Variants in SLC5A11 observed in about 807,000 individuals in gnomAD.
The protein encoded by SLC5A11 is solute carrier family 5 member 11, also known as sodium/myo-inositol cotransporter 2.
SLC5A11 carries 48 observed loss-of-function variants against 69.8 expected under a neutral mutation model. The ratio of observed to expected loss-of-function variants is 0.69; its 90% confidence interval spans 0.55 to 0.87. SLC5A11 has a LOEUF of 0.87. Ranked by LOEUF, SLC5A11 falls within the 40% of genes least tolerant of loss-of-function variation. SLC5A11 has a pLI of 0.00. For synonymous variants in SLC5A11, 319 were observed against 342.4 expected (o/e 0.93, Z 0.75); for missense variants, 784 against 866.1 (o/e 0.91, Z 1.19).
At chr16:24,907,576 C>T (rs1304502844) in intron 12 of SLC5A11, among the ~76,000 whole-genome samples, 1 of 151,976 alleles carries the variant, frequency 6.6e-6, no homozygotes, top group East Asian at 1.9e-4. Context: ...GCTGTGGTGG[C>T]GTGTGCCTGT....
intron 10 of SLC5A11, among the ~76,000 whole-genome samples, chr16:24,905,269 C>CAAAAAAAAAAA (rs34703027): frequency 1.2e-5 from 1 of 80,428 alleles, no homozygotes; most frequent in Non-Finnish European, 2.2e-5. Flanking sequence ...ACTAAAAATA[C>CAAAAAAAAAAA]AAAAAAAAAA....
rs202060978 is a variant in SLC5A11, at chr16:24,889,249, GA to G, written c.665-1619del. On this transcript the variant is annotated intron_variant, in intron 8 of 15. Coordinates refer to ENST00000347898, the Ensembl canonical transcript of SLC5A11. ...TGTAATCCTAGAACTTTGGGAGGCT[GA>G]GGCAGGAGAATTGCTTGAGCCTAGG... Among the ~76,000 whole-genome samples, 927 of 152,272 alleles carry G rather than the reference GA, an allele frequency of 6.1e-3. 10 individuals carry two copies. The highest frequency in any genetic ancestry group is 0.021 in the African/African-American group (861 of 41,548).
At chr16:24,861,901 A>G (rs957778786) in intron 2 of SLC5A11, 1 of 152,188 alleles carries the variant, frequency 6.6e-6, no homozygotes, top group South Asian at 2.1e-4. Context: ...GCCCTCATGA[A>G]TGGGATTACA....
chr16:24,852,973 C>T (rs2059377798), intron 1 of SLC5A11, among the ~76,000 whole-genome samples: 1 of 150,898 alleles, frequency 6.6e-6, no homozygotes, highest in Admixed American at 6.6e-5. Flanking sequence ...ACAGCTGGTG[C>T]CTAATAAATG....
intron 9 of SLC5A11, among the ~76,000 whole-genome samples, chr16:24,896,942 CTTTTTTT>C (rs869210839): frequency 1.0e-5 from 1 of 97,100 alleles, no homozygotes; most frequent in Non-Finnish European, 1.9e-5. Context: ...AACCTCCTTC[CTTTTTTT>C]TTTTTTTTTT....
At chr16:24,850,956 GCC>G (rs2059276361) in intron 1 of SLC5A11, among the ~76,000 whole-genome samples, 1 of 151,298 alleles carries the variant, frequency 6.6e-6, no homozygotes, top group Non-Finnish European at 1.5e-5. Context: ...GATTACAGGA[GCC>G]CACCACCACG....
At chr16:24,891,190 TC>T in intron 9 of SLC5A11, 116 bp downstream of exon 10, 1 of 929,254 alleles carries the variant, frequency 1.1e-6, no homozygotes. Flanking sequence ...TTTCCCTGCT[TC>T]CTTGACTACT....
At chr16:24,899,243 A>T (rs929308302) in intron 10 of SLC5A11, among the ~76,000 whole-genome samples, 1 of 152,004 alleles carries the variant, frequency 6.6e-6, no homozygotes, top group Non-Finnish European at 1.5e-5. Context: ...TTGAGTGGAG[A>T]CTCAACTGGG....
chr16:24,870,442 A>AACCACACACAC lies in SLC5A11; in HGVS notation c.312+439_312+440insCACACACACAC, dbSNP rs1555523057. 5.7e-5 allele frequency among the ~76,000 whole-genome samples: 8 copies of AACCACACACAC among 140,624 alleles called. No individual in the cohort carries two copies. The South Asian group carries it at 9.0e-4, about 16-fold the overall frequency. 92.3% of individuals were successfully genotyped at this position (140,624 alleles called of 152,430 possible). ...AAACAAAACAAAAAAAACAAAAAAA[A>AACCACACACAC]ACACACACACACACACACACACAAA... is the stretch of plus-strand genomic sequence containing the variant. On this transcript the variant is annotated intron_variant, in intron 4 of 15. Transcript: ENST00000347898.
chr16:24,862,838 CA>C lies in SLC5A11; in HGVS notation c.207+175del, dbSNP rs556500624. On this transcript the variant is annotated intron_variant, in intron 3 of 15. Transcript: ENST00000347898. ...CAGCTCAAATTCGTTTAAACAACAACAAAAAAAAACAATTTGTCACCTCATC... is the reference window on the plus strand; with the variant it reads ...CAGCTCAAATTCGTTTAAACAACAACAAAAAAAACAATTTGTCACCTCATC... Among the ~76,000 whole-genome samples the C allele has an allele frequency of 5.8e-3, 843 of 145,118 alleles. 9 individuals carry two copies. The highest frequency in any genetic ancestry group is 0.02 in the African/African-American group (804 of 39,668).
At chr16:24,876,075 A>C (rs1431052425) in intron 6 of SLC5A11, among the ~76,000 whole-genome samples, 1 of 152,106 alleles carries the variant, frequency 6.6e-6, no homozygotes, top group African/African-American at 2.4e-5. Context: ...TGATGCCTGT[A>C]GTCCCAGCTA....
At chr16:24,901,642 C>T (rs1407666320) in intron 10 of SLC5A11, among the ~76,000 whole-genome samples, 1 of 151,896 alleles carries the variant, frequency 6.6e-6, no homozygotes, top group Non-Finnish European at 1.5e-5. Flanking sequence ...TTTATTTATT[C>T]TTCCATGAAT....
At chr16:24,907,835 A>G (rs2050185716) in intron 12 of SLC5A11, 128 bp from the exon 14 acceptor site, 3 of 1,206,908 alleles carry the variant, frequency 2.5e-6, no homozygotes, top group Non-Finnish European at 3.5e-6. Context: ...GCAGTGAGCT[A>G]TGCTCTCACC....
intron 2 of SLC5A11, chr16:24,859,058 A>G: frequency 3.9e-6 from 1 of 257,510 alleles, no homozygotes; most frequent in Non-Finnish European, 7.3e-6. Context: ...CAGATAAGGA[A>G]ACACAGGCCC....
intron 3 of SLC5A11, among the ~76,000 whole-genome samples, chr16:24,863,490 G>C (rs1260319056): frequency 6.6e-6 from 1 of 152,174 alleles, no homozygotes; most frequent in African/African-American, 2.4e-5. Flanking sequence ...TCTTGGCCTG[G>C]AAGTCACTTC....
intron 8 of SLC5A11, among the ~76,000 whole-genome samples, chr16:24,884,513 G>GTTTTTTTTT (rs10572531): frequency 9.1e-6 from 1 of 110,272 alleles, no homozygotes; most frequent in African/African-American, 3.3e-5. Flanking sequence ...TTTTTATTTT[G>GTTTTTTTTT]TTTTTTTTTT....
At chr16:24,902,516 C>A (rs2049710399) in intron 10 of SLC5A11, among the ~76,000 whole-genome samples, 1 of 149,506 alleles carries the variant, frequency 6.7e-6, no homozygotes, top group South Asian at 2.1e-4. Flanking sequence ...CCTTGACCAT[C>A]TGTCTTAACA....
At chr16:24,870,604 A>C (rs2047229020) in intron 4 of SLC5A11, among the ~76,000 whole-genome samples, 1 of 151,528 alleles carries the variant, frequency 6.6e-6, no homozygotes, top group Admixed American at 6.6e-5. Flanking sequence ...ACATGGTGAG[A>C]CTCCATCTCT....
chr16:24,851,839 G>A (rs1325609744), intron 1 of SLC5A11, among the ~76,000 whole-genome samples: 1 of 152,130 alleles, frequency 6.6e-6, no homozygotes, highest in Non-Finnish European at 1.5e-5. Context: ...AGTCAGGGCG[G>A]TGCAGTTCTA....
Sources: gnomAD v4.1 joint callset for allele counts (sites outside exome capture counted in the v4.1 genomes callset) on GRCh38, gnomAD v4.1.1 for gene constraint, MANE v1.5 for transcripts, NCBI Gene and HGNC (gene_info 2026-07-23, HGNC 2026-07-21) for gene names.